Variants in PHLDB2 observed in about 807,000 individuals in gnomAD.
PHLDB2 encodes the protein pleckstrin homology-like domain family B member 2.
In PHLDB2, 71 loss-of-function variants were observed where a neutral mutation model predicts 123.6. That is an observed-to-expected ratio of 0.57 (90% CI 0.47 to 0.70). The LOEUF (loss-of-function observed/expected upper bound fraction) is 0.70. Ranked by LOEUF, PHLDB2 falls within the 30% of genes least tolerant of loss-of-function variation. The pLI, the probability that PHLDB2 is intolerant of heterozygous loss-of-function variation, is 0.00. For missense variants in PHLDB2, 1,446 were observed against 1,519.5 expected, an observed-to-expected ratio of 0.95 and a Z score of 0.80; for synonymous variants, 547 against 541.6, an observed-to-expected ratio of 1.01 and a Z score of -0.14.
chr3:111,966,978 G>T (rs74866259), intron 14 of PHLDB2, among the ~76,000 whole-genome samples: 44 of 148,984 alleles, frequency 3.0e-4, no homozygotes, highest in East Asian at 2.9e-3. Flanking sequence ...TTTTTTTTTT[G>T]TTTTTTGTTT....
chr3:111,849,325 C>T (rs988217500), intron 2 of PHLDB2, among the ~76,000 whole-genome samples: 1 of 149,264 alleles, frequency 6.7e-6, no homozygotes, highest in East Asian at 2.0e-4. Flanking sequence ...CCCAAGACAC[C>T]ATGCCTGGAT....
chr3:111,972,282 A>T (rs1410871273), intron 16 of PHLDB2, among the ~76,000 whole-genome samples: 2 of 152,180 alleles, frequency 1.3e-5, no homozygotes, highest in African/African-American at 4.8e-5. Flanking sequence ...GGTATCAGTT[A>T]AAACAGTGTT....
chr3:111,965,001 C>T (rs9876491), intron 13 of PHLDB2, among the ~76,000 whole-genome samples: 15,175 of 152,100 alleles, frequency 0.1, 894 homozygotes, highest in East Asian at 0.24. Flanking sequence ...TAATTTTATG[C>T]CCTTATACGT....
intron 1 of PHLDB2, among the ~76,000 whole-genome samples, chr3:111,874,547 A>T (rs2065506948): frequency 6.6e-6 from 1 of 152,138 alleles, no homozygotes; most frequent in African/African-American, 2.4e-5. Context: ...GGGTTAACAA[A>T]GCCTCTGCAA....
chr3:111,947,602 T>G (rs2107621435), intron 9 of PHLDB2, among the ~76,000 whole-genome samples: 1 of 152,336 alleles, frequency 6.6e-6, no homozygotes, highest in Admixed American at 6.5e-5. Context: ...TAATTAAAAC[T>G]TGGCTTCAAA....
chr3:111,911,373 T>C (rs2067870744), intron 2 of PHLDB2, among the ~76,000 whole-genome samples: 1 of 152,262 alleles, frequency 6.6e-6, no homozygotes, highest in Admixed American at 6.5e-5. Flanking sequence ...TCGCCTCTAA[T>C]ATAGATGCTA....
chr3:111,765,192 G>C (rs771763006), intron 1 of PHLDB2, among the ~76,000 whole-genome samples: 2 of 152,198 alleles, frequency 1.3e-5, no homozygotes, highest in Non-Finnish European at 2.9e-5. Context: ...ACATGTGTTT[G>C]AAGCCCCTTA....
chr3:111,752,996 G>GCATAGTATT (rs1291975998), intron 1 of PHLDB2, among the ~76,000 whole-genome samples: 1 of 152,106 alleles, frequency 6.6e-6, no homozygotes, highest in African/African-American at 2.4e-5. Flanking sequence ...TTTTTTGGCT[G>GCATAGTATT]CATAGTATTC....
At chr3:111,821,975 T>TGAA (rs1007200030) in intron 1 of PHLDB2, among the ~76,000 whole-genome samples, 1 of 152,232 alleles carries the variant, frequency 6.6e-6, no homozygotes, top group African/African-American at 2.4e-5. Flanking sequence ...CAAAAATGTT[T>TGAA]AGTATTGAAA....
At chr3:111,832,413 T>C (rs1398522354) in intron 1 of PHLDB2, among the ~76,000 whole-genome samples, 1 of 151,546 alleles carries the variant, frequency 6.6e-6, no homozygotes, top group Admixed American at 6.6e-5. Flanking sequence ...AGATAAATTG[T>C]ACCAATTAAT....
intron 9 of PHLDB2, 150 bp downstream of exon 9, chr3:111,945,507 T>C (rs922186811): frequency 1.5e-6 from 1 of 676,058 alleles, no homozygotes; most frequent in Non-Finnish European, 2.6e-6. Flanking sequence ...CCTTTCATTA[T>C]GTATGCTTTG....
chr3:111,849,852 A>G (rs1462718473), intron 2 of PHLDB2, among the ~76,000 whole-genome samples: 1 of 151,944 alleles, frequency 6.6e-6, no homozygotes, highest in East Asian at 1.9e-4. Flanking sequence ...ACTTATATGG[A>G]GCTGGAGGCC....
chr3:111,925,489 T>C (rs78176024), intron 5 of PHLDB2, among the ~76,000 whole-genome samples: 5,039 of 152,292 alleles, frequency 0.033, 156 homozygotes, highest in South Asian at 0.13. Context: ...ACTATGAACA[T>C]TGATAAAGCT....
chr3:111,757,804 G>A (rs935638988), intron 1 of PHLDB2, among the ~76,000 whole-genome samples: 2 of 152,202 alleles, frequency 1.3e-5, no homozygotes, highest in Non-Finnish European at 2.9e-5. Flanking sequence ...CAGGTTAACA[G>A]CTGACAACAG....
At chr3:111,950,309 ATTTG>A (rs1381856840) in intron 10 of PHLDB2, among the ~76,000 whole-genome samples, 1 of 152,202 alleles carries the variant, frequency 6.6e-6, no homozygotes, top group African/African-American at 2.4e-5. Context: ...CTGTGTCAGA[ATTTG>A]TTAAACGTTT....
intron 1 of PHLDB2, among the ~76,000 whole-genome samples, chr3:111,746,264 C>CAGA (rs1451795331): frequency 1.3e-5 from 2 of 152,154 alleles, no homozygotes; most frequent in African/African-American, 4.8e-5. Context: ...TGAGAGAACA[C>CAGA]AGAAAGTCTT....
At chr3:111,909,782 A>C (rs2067771305) in intron 2 of PHLDB2, among the ~76,000 whole-genome samples, 1 of 152,214 alleles carries the variant, frequency 6.6e-6, no homozygotes, top group East Asian at 1.9e-4. Flanking sequence ...CTCCTAAAAA[A>C]AAAAAAAATC....
chr3:111,733,046 G>A (rs1197735543), intron 1 of PHLDB2, among the ~76,000 whole-genome samples: 6 of 152,040 alleles, frequency 3.9e-5, no homozygotes, highest in Non-Finnish European at 5.9e-5. Flanking sequence ...CAGAATTTTC[G>A]TTGCATAATT....
chr3:111,809,382 T>G (rs2061731714), intron 1 of PHLDB2, among the ~76,000 whole-genome samples: 3 of 152,234 alleles, frequency 2.0e-5, no homozygotes, highest in Admixed American at 2.0e-4. Flanking sequence ...GCTCAACCTC[T>G]TCCCTTATGA....
Sources: allele counts gnomAD v4.1 joint callset (sites outside exome capture counted in the v4.1 genomes callset), GRCh38; gene constraint gnomAD v4.1.1; transcripts MANE v1.5; gene names NCBI Gene and HGNC (gene_info 2026-07-23, HGNC 2026-07-21).